The following TEAD1 variants were observed in gnomAD, a reference collection of about 807,000 sequenced individuals.
TEAD1 encodes the protein TEA domain transcription factor 1.
Under a neutral mutation model 54.9 loss-of-function variants are expected in TEAD1, and 9 were observed. The ratio of observed to expected loss-of-function variants is 0.16; its 90% confidence interval spans 0.10 to 0.29. The LOEUF is 0.29. Among genes scored for constraint, TEAD1 ranks in the 10% least tolerant of loss-of-function variants. The pLI, the probability that TEAD1 is intolerant of heterozygous loss-of-function variation, is 1.00. For missense variants in TEAD1, 387 were observed against 535.9 expected (o/e 0.72, Z 2.74); for synonymous variants, 200 against 187.8 (o/e 1.07, Z -0.53).
At position 12,939,874 on chromosome 11, in the gene TEAD1, T is replaced by G. The variant is rs928197530; in HGVS notation, c.*2652T>G. 3 of 152,270 alleles carry G rather than the reference T, an allele frequency of 2.0e-5. No homozygotes were observed. Among genetic ancestry groups the G allele is most frequent in the African/African-American group, 7.2e-5 (3 of 41,462 alleles). The allele number at this position is 152,270 out of a possible 1,614,324, so 9.4% of individuals were successfully genotyped here. A position where few individuals can be genotyped will look rare whatever the true frequency, so the allele number is the denominator to read the frequency against. On this transcript the variant is annotated 3_prime_UTR_variant, in exon 13 of 13. Coordinates refer to ENST00000527636, the MANE Select transcript of TEAD1 (RefSeq NM_021961.6). ...ATTAGACCTTTGGGTGAGATTGGCA[T>G]CACAACATCTAATCTGAGTCTGTCT... is the stretch of plus-strand genomic sequence containing the variant.
intron 9 of TEAD1, among the ~76,000 whole-genome samples, chr11:12,891,282 C>T (rs1207521346): frequency 6.6e-6 from 1 of 152,186 alleles, no homozygotes; most frequent in African/African-American, 2.4e-5. Context: ...TCCCACCCCA[C>T]CCTGCTTTTT....
At chr11:12,810,007 G>T (rs1446118628) in intron 3 of TEAD1, among the ~76,000 whole-genome samples, 1 of 130,384 alleles carries the variant, frequency 7.7e-6, no homozygotes, top group African/African-American at 3.0e-5. Flanking sequence ...TTGAGATGGA[G>T]CCTCCCTCTG....
At chr11:12,678,757 A>C (rs1338337507) in intron 2 of TEAD1, among the ~76,000 whole-genome samples, 1 of 152,148 alleles carries the variant, frequency 6.6e-6, no homozygotes, top group Non-Finnish European at 1.5e-5. Flanking sequence ...TTTTTGTTTC[A>C]AAGCTGTGAA....
intron 5 of TEAD1, among the ~76,000 whole-genome samples, chr11:12,874,571 T>A (rs531525751): frequency 6.6e-6 from 1 of 152,326 alleles, no homozygotes; most frequent in South Asian, 2.1e-4. Flanking sequence ...GGCTTCAGGC[T>A]GAGGAGTTTA....
chr11:12,894,873 C>T (rs1189587908), intron 9 of TEAD1, among the ~76,000 whole-genome samples: 1 of 152,176 alleles, frequency 6.6e-6, no homozygotes, highest in East Asian at 1.9e-4. Flanking sequence ...TATGTGTTTT[C>T]CTTGCATTAT....
At chr11:12,933,617 T>C (rs951173326) in intron 12 of TEAD1, among the ~76,000 whole-genome samples, 2 of 152,210 alleles carry the variant, frequency 1.3e-5, no homozygotes, top group Admixed American at 1.3e-4. Context: ...GATCTGCCAG[T>C]GTGGAATCGC....
intron 9 of TEAD1, among the ~76,000 whole-genome samples, chr11:12,884,417 A>G (rs1433880204): frequency 6.6e-6 from 1 of 152,150 alleles, no homozygotes; most frequent in Non-Finnish European, 1.5e-5. Context: ...GCCTGCCTTA[A>G]TGTCATTTCT....
chr11:12,825,533 G>A (rs1946634527), intron 3 of TEAD1, among the ~76,000 whole-genome samples: 1 of 152,160 alleles, frequency 6.6e-6, no homozygotes, highest in Non-Finnish European at 1.5e-5. Flanking sequence ...CTAAATGAGA[G>A]TTATCCCATG....
intron 2 of TEAD1, among the ~76,000 whole-genome samples, chr11:12,678,022 A>G (rs1174181720): frequency 2.0e-5 from 3 of 152,244 alleles, no homozygotes; most frequent in Admixed American, 2.0e-4. Flanking sequence ...CAGTAGGTGG[A>G]TAACACTTTT....
At chr11:12,734,399 G>T (rs1483069284) in intron 2 of TEAD1, among the ~76,000 whole-genome samples, 1 of 152,062 alleles carries the variant, frequency 6.6e-6, no homozygotes, top group Non-Finnish European at 1.5e-5. Flanking sequence ...AGTGAGCTAA[G>T]GTTATTTTAT....
At chr11:12,789,767 C>T (rs982782423) in intron 3 of TEAD1, among the ~76,000 whole-genome samples, 2 of 152,196 alleles carry the variant, frequency 1.3e-5, no homozygotes, top group African/African-American at 4.8e-5. Flanking sequence ...TTGGGTTGTA[C>T]GGCTGGGCTC....
intron 2 of TEAD1, among the ~76,000 whole-genome samples, chr11:12,738,631 A>G (rs1450472824): frequency 1.3e-5 from 2 of 152,178 alleles, no homozygotes; most frequent in Non-Finnish European, 2.9e-5. Flanking sequence ...AGGATGTGGC[A>G]AGAATCTTCC....
chr11:12,864,605 A>G (rs1947576493), intron 4 of TEAD1: 1 of 984,882 alleles, frequency 1.0e-6, no homozygotes, highest in Non-Finnish European at 1.4e-6. Flanking sequence ...GCGATTTTAT[A>G]TTTGATTTCC....
At chr11:12,857,025 C>T (rs1191151826) in intron 3 of TEAD1, among the ~76,000 whole-genome samples, 2 of 152,132 alleles carry the variant, frequency 1.3e-5, no homozygotes, top group African/African-American at 4.8e-5. Flanking sequence ...ATATATACAG[C>T]CCACAACAAC....
intron 3 of TEAD1, among the ~76,000 whole-genome samples, chr11:12,778,140 A>G (rs987009948): frequency 6.6e-6 from 1 of 152,204 alleles, no homozygotes; most frequent in African/African-American, 2.4e-5. Flanking sequence ...TGAGGAAACC[A>G]TGGCCTAGAG....
intron 9 of TEAD1, among the ~76,000 whole-genome samples, chr11:12,886,213 A>G (rs1188225873): frequency 1.3e-5 from 2 of 152,212 alleles, no homozygotes; most frequent in African/African-American, 4.8e-5. Flanking sequence ...AGGCCCACTA[A>G]GTTGCTAGAG....
intron 5 of TEAD1, among the ~76,000 whole-genome samples, chr11:12,872,398 T>C (rs914253408): frequency 2.0e-5 from 3 of 152,220 alleles, no homozygotes; most frequent in Non-Finnish European, 4.4e-5. Context: ...GGAAATGATA[T>C]AATCTTTCCT....
Position 12,865,938 on chromosome 11 carries a change from G to A in TEAD1, c.330+1038G>A, listed in dbSNP as rs867420048. ...GTTTTGTTCTGAACTAAAAAACAGTGTAGTCTCACAACACTTGAGTGGTGA... is the reference window on the plus strand; with the variant it reads ...GTTTTGTTCTGAACTAAAAAACAGTATAGTCTCACAACACTTGAGTGGTGA... On this transcript the variant is annotated intron_variant, in intron 5 of 12. Coordinates refer to ENST00000527636, the MANE Select transcript of TEAD1 (RefSeq NM_021961.6). Among the ~76,000 whole-genome samples the A allele has an allele frequency of 2.3e-4, 35 of 152,294 alleles. No homozygotes were observed. In the Middle Eastern group the frequency reaches 0.02, roughly 89 times the overall value.
At chr11:12,896,429 A>G (rs1948317421) in intron 9 of TEAD1, among the ~76,000 whole-genome samples, 1 of 152,180 alleles carries the variant, frequency 6.6e-6, no homozygotes, top group African/African-American at 2.4e-5. Flanking sequence ...GCTCCCTGGG[A>G]ACAAGTTGCA....
Sources: gnomAD v4.1 joint callset for allele counts (sites outside exome capture counted in the v4.1 genomes callset) on GRCh38, gnomAD v4.1.1 for gene constraint, MANE v1.5 for transcripts, NCBI Gene and HGNC (gene_info 2026-07-23, HGNC 2026-07-21) for gene names.